GNAQ: variants seen among roughly 807,000 people sequenced by gnomAD.
The protein encoded by GNAQ is G protein subunit alpha q.
A neutral mutation model predicts 43.9 loss-of-function variants in GNAQ; 8 were observed. That is an observed-to-expected ratio of 0.18 (90% CI 0.11 to 0.33). GNAQ has a LOEUF of 0.33. GNAQ is among the 10% of genes least tolerant of loss of function. GNAQ has a pLI of 1.00. For missense variants in GNAQ, 158 were observed against 450.8 expected (o/e 0.35, Z 5.88); for synonymous variants, 155 against 170.7 (o/e 0.91, Z 0.71).
chr9:77,930,404 C>T (rs1187366653), intron 1 of GNAQ, among the ~76,000 whole-genome samples: 9 of 152,250 alleles, frequency 5.9e-5, no homozygotes, highest in African/African-American at 2.2e-4. Flanking sequence ...TTTTTAAACA[C>T]AAAATTAATG....
intron 2 of GNAQ, among the ~76,000 whole-genome samples, chr9:77,881,596 C>T (rs1367231711): frequency 6.6e-6 from 1 of 152,136 alleles, no homozygotes; most frequent in Non-Finnish European, 1.5e-5. Context: ...ATTGCCCAGG[C>T]TGGCCTTGAA....
chr9:78,018,349 C>T (rs1360774545), intron 1 of GNAQ, among the ~76,000 whole-genome samples: 1 of 151,968 alleles, frequency 6.6e-6, no homozygotes, highest in Non-Finnish European at 1.5e-5. Flanking sequence ...ATAAAACAGA[C>T]TATAAAGGAA....
chr9:77,818,787 G>A (rs1288406085), intron 2 of GNAQ, among the ~76,000 whole-genome samples: 1 of 151,788 alleles, frequency 6.6e-6, no homozygotes, highest in Middle Eastern at 3.2e-3. Flanking sequence ...ATCACTTGAG[G>A]CCAGGAGTTC....
intron 1 of GNAQ, among the ~76,000 whole-genome samples, chr9:77,965,913 C>T (rs987650288): frequency 6.6e-6 from 1 of 150,918 alleles, no homozygotes; most frequent in African/African-American, 2.4e-5. Context: ...TTTGTCGTAG[C>T]CAAACACTGG....
intron 1 of GNAQ, among the ~76,000 whole-genome samples, chr9:77,937,161 G>A (rs1829243761): frequency 6.6e-6 from 1 of 151,942 alleles, no homozygotes; most frequent in African/African-American, 2.4e-5. Flanking sequence ...GTAGAGTTCT[G>A]GCCAGACGTG....
At chr9:77,894,958 G>A (rs1828475079) in intron 2 of GNAQ, among the ~76,000 whole-genome samples, 1 of 151,822 alleles carries the variant, frequency 6.6e-6, no homozygotes, top group African/African-American at 2.4e-5. Flanking sequence ...GGGAGGCCAA[G>A]GCAGGCAGAT....
chr9:77,812,238 G>C (rs1252712429), intron 3 of GNAQ, among the ~76,000 whole-genome samples: 1 of 152,208 alleles, frequency 6.6e-6, no homozygotes, highest in Admixed American at 6.5e-5. Flanking sequence ...CAGAGGAAGA[G>C]CTGATGAAGA....
chr9:77,952,281 A>T (rs1425725810), intron 1 of GNAQ, among the ~76,000 whole-genome samples: 1 of 152,200 alleles, frequency 6.6e-6, no homozygotes, highest in Non-Finnish European at 1.5e-5. Flanking sequence ...GTGGAATATG[A>T]CCCAACAGTT....
intron 2 of GNAQ, among the ~76,000 whole-genome samples, chr9:77,816,444 G>A (rs2118512874): frequency 6.6e-6 from 1 of 152,096 alleles, no homozygotes; most frequent in South Asian, 2.1e-4. Context: ...AAAATAACTT[G>A]GCTATATTCA....
chr9:77,859,069 C>T (rs1827803473), intron 2 of GNAQ, among the ~76,000 whole-genome samples: 1 of 152,192 alleles, frequency 6.6e-6, no homozygotes, highest in South Asian at 2.1e-4. Flanking sequence ...CTGCCTGTTC[C>T]TACCTAAAAT....
At chr9:77,923,510 T>C (rs1829027607) in intron 1 of GNAQ, among the ~76,000 whole-genome samples, 1 of 152,134 alleles carries the variant, frequency 6.6e-6, no homozygotes, top group Non-Finnish European at 1.5e-5. Flanking sequence ...TCTCCTACAA[T>C]GAATTCAAAT....
At chr9:78,021,873 C>T (rs939731868) in intron 1 of GNAQ, among the ~76,000 whole-genome samples, 7 of 152,264 alleles carry the variant, frequency 4.6e-5, no homozygotes, top group Non-Finnish European at 7.3e-5. Flanking sequence ...AGACCCAGTC[C>T]TGAGCCGAGC....
intron 5 of GNAQ, among the ~76,000 whole-genome samples, chr9:77,743,270 A>AAAAC (rs375247687): frequency 4.0e-5 from 6 of 151,594 alleles, no homozygotes; most frequent in East Asian, 1.9e-4. Flanking sequence ...CAAAAAACAA[A>AAAAC]AAACAAACAA....
chr9:78,030,545 C>A, intron 1 of GNAQ: 1 of 471,112 alleles, frequency 2.1e-6, no homozygotes, highest in South Asian at 1.6e-5. Context: ...AGCTGCGAGT[C>A]TGCCCACCGT....
intron 5 of GNAQ, among the ~76,000 whole-genome samples, chr9:77,729,810 G>T (rs7041274): frequency 0.046 from 7,045 of 152,216 alleles, 500 homozygotes; most frequent in African/African-American, 0.15. Context: ...GTTTGGTGGC[G>T]TACACCAGAG....
At chr9:78,016,120 C>T (rs1251538988) in intron 1 of GNAQ, among the ~76,000 whole-genome samples, 2 of 152,050 alleles carry the variant, frequency 1.3e-5, no homozygotes, top group Non-Finnish European at 2.9e-5. Flanking sequence ...AGTGTAAGAC[C>T]TAAAACTACA....
intron 2 of GNAQ, among the ~76,000 whole-genome samples, chr9:77,832,090 T>C (rs1413579848): frequency 6.6e-6 from 1 of 151,678 alleles, no homozygotes; most frequent in East Asian, 1.9e-4. Context: ...TAGAGCACTT[T>C]TTTTTTTTTT....
chr9:77,922,778 G>C (rs952923483), intron 1 of GNAQ, among the ~76,000 whole-genome samples: 1 of 152,088 alleles, frequency 6.6e-6, no homozygotes, highest in East Asian at 1.9e-4. Context: ...TTACACAAAC[G>C]GTATTCAGAC....
At chr9:77,875,216 T>C (rs1191429314) in intron 2 of GNAQ, among the ~76,000 whole-genome samples, 3 of 152,174 alleles carry the variant, frequency 2.0e-5, no homozygotes, top group Non-Finnish European at 4.4e-5. Context: ...CTAGAACTAA[T>C]AGAATGAAAT....
Sources: gnomAD v4.1 joint callset for allele counts (sites outside exome capture counted in the v4.1 genomes callset) on GRCh38, gnomAD v4.1.1 for gene constraint, MANE v1.5 for transcripts, NCBI Gene and HGNC (gene_info 2026-07-23, HGNC 2026-07-21) for gene names.